Variants in ARHGAP17 observed in about 807,000 individuals in gnomAD.
ARHGAP17 encodes Rho GTPase activating protein 17, also known as rho GTPase-activating protein 17.
In ARHGAP17, 57 loss-of-function variants were observed where a neutral mutation model predicts 99.5. That is an observed-to-expected ratio of 0.57 (90% confidence interval 0.46 to 0.71). The LOEUF is 0.71. Among genes scored for constraint, ARHGAP17 ranks in the 30% least tolerant of loss-of-function variants. ARHGAP17 has a pLI of 0.00. For missense variants in ARHGAP17, 1,000 were observed against 1,122.4 expected, an observed-to-expected ratio of 0.89 and a Z score of 1.56; for synonymous variants, 417 against 429.6, an observed-to-expected ratio of 0.97 and a Z score of 0.36.
intron 9 of ARHGAP17, among the ~76,000 whole-genome samples, chr16:24,957,893 G>A (rs2141259277): frequency 6.6e-6 from 1 of 152,234 alleles, no homozygotes; most frequent in South Asian, 2.1e-4. Context: ...GGAGGTGAGG[G>A]GGCTGTGGGG....
chr16:24,942,055 C>T lies in ARHGAP17; in HGVS notation c.1422G>A (p.Ser474=), dbSNP rs758598234. The T allele has an allele frequency of 4.3e-5, 69 of 1,614,028 alleles. No individual in the cohort carries two copies. The highest frequency in any genetic ancestry group is 5.4e-5 in the Non-Finnish European group (64 of 1,180,014). Residue 474 remains serine, a synonymous_variant, in exon 16 of 20, where the codon TCG becomes TCA. Transcript: ENST00000289968. Reference sequence around the variant, plus strand: ...CAGGCCGCTTCCTCTCCAGGGTCCCCGAGTCAGAGTCGTTTCCAGTGTGGA... The same window carrying T: ...CAGGCCGCTTCCTCTCCAGGGTCCCTGAGTCAGAGTCGTTTCCAGTGTGGA... ...HSFHTGNDSD[S]GTLERKRPAS...
At chr16:24,973,847 C>T (rs1036117445) in intron 3 of ARHGAP17, among the ~76,000 whole-genome samples, 1 of 152,220 alleles carries the variant, frequency 6.6e-6, no homozygotes, top group African/African-American at 2.4e-5. Context: ...GAATATATGT[C>T]TTGGACTGCG....
rs576333082 is a variant in ARHGAP17, at chr16:24,993,994, C to A, written c.54-14989G>T. Among the ~76,000 whole-genome samples, 12 of 152,264 alleles carry A rather than the reference C, an allele frequency of 7.9e-5. 1 individual carries two copies. Among genetic ancestry groups the A allele is most frequent in the Admixed American group, 3.9e-4 (6 of 15,288 alleles). On this transcript the variant is annotated intron_variant, in intron 1 of 19. Coordinates refer to ENST00000289968, the MANE Select transcript of ARHGAP17 (RefSeq NM_001006634.3). ...AACTCCAAAAATGACAAATGTTGCA[C>A]GGTTTAAACAGGCATCTAGTGCTGA...
intron 16 of ARHGAP17, among the ~76,000 whole-genome samples, chr16:24,941,371 TACAA>T (rs1284883340): frequency 6.6e-6 from 1 of 152,172 alleles, no homozygotes; most frequent in Non-Finnish European, 1.5e-5. Context: ...AGGCACAAAT[TACAA>T]ACAGTCTTAA....
rs1415429812 is a variant in ARHGAP17, at chr16:24,970,534, G to A, written c.245C>T (p.Ser82Leu). 4 of 1,614,042 alleles carry A rather than the reference G, an allele frequency of 2.5e-6. No individual in the cohort carries two copies. The highest frequency in any genetic ancestry group is 1.7e-5 in the Admixed American group (1 of 60,010). ...CAGGAGAGAGTCTTCCAGCTGAGTC[G>A]ATGCTTCTTGCATATTTTGAGCAAG... ...TALAQNMQEA[S>L]TQLEDSLLGK... Residue 82 changes from serine to leucine, a missense_variant, in exon 4 of 20, where the codon TCG (serine) becomes TTG (leucine). Transcript: ENST00000289968.
chr16:24,937,577 C>T (rs1597373850), intron 17 of ARHGAP17, among the ~76,000 whole-genome samples: 1 of 152,332 alleles, frequency 6.6e-6, no homozygotes, highest in African/African-American at 2.4e-5. Context: ...AGCTAACGTG[C>T]AGCCTATGAG....
intron 1 of ARHGAP17, among the ~76,000 whole-genome samples, chr16:25,011,069 T>C (rs2053631653): frequency 6.6e-6 from 1 of 152,226 alleles, no homozygotes; most frequent in Non-Finnish European, 1.5e-5. Flanking sequence ...CATCCCAGTG[T>C]ACTCCTTCCT....
At chr16:24,937,565 C>T (rs1410565220) in intron 17 of ARHGAP17, among the ~76,000 whole-genome samples, 1 of 152,196 alleles carries the variant, frequency 6.6e-6, no homozygotes, top group East Asian at 1.9e-4. Flanking sequence ...CAATTATTGA[C>T]AAGCTAACGT....
intron 1 of ARHGAP17, among the ~76,000 whole-genome samples, chr16:24,990,660 C>A (rs530870627): frequency 8.6e-5 from 13 of 151,506 alleles, no homozygotes; most frequent in African/African-American, 2.9e-4. Flanking sequence ...ATGTCCCCCA[C>A]AAAAACACAA....
intron 6 of ARHGAP17, among the ~76,000 whole-genome samples, chr16:24,965,386 C>CCT (rs1453107452): frequency 1.4e-4 from 22 of 152,154 alleles, no homozygotes; most frequent in Non-Finnish European, 1.6e-4. Flanking sequence ...AGGAGAATGG[C>CCT]GTGAACCTGG....
rs1363467802 is a variant in ARHGAP17 at position 25,015,261 on chromosome 16, TGGCGGCGGTGGC to T, written c.-12_-1del. On this transcript the variant is annotated 5_prime_UTR_variant, in exon 1 of 20. Transcript: ENST00000289968. ...TTCATGCGGTTGAACTGCTTCTTCA[TGGCGGCGGTGGC>T]GGCGGCGGCCCGCGGGGCTCGGGCC... 2.2e-6 allele frequency: 3 copies of T among 1,339,336 alleles called. No individual in the cohort carries two copies. Among genetic ancestry groups the T allele is most frequent in the East Asian group, 3.2e-5 (1 of 31,126 alleles). 83.0% of individuals were successfully genotyped at this position (1,339,336 alleles called of 1,614,324 possible). A position where few individuals can be genotyped will look rare whatever the true frequency, so the allele number is the denominator to read the frequency against.
At position 24,933,362 on chromosome 16, in the gene ARHGAP17, G is replaced by C. The variant is rs531661472; in HGVS notation, c.1895-1958C>G. Reference sequence around the variant, plus strand: ...CCAGGCATGGTGGCATGTGCCTGTAGTACCAGCACTTTGAGAGGCCAAAGT... The same window carrying C: ...CCAGGCATGGTGGCATGTGCCTGTACTACCAGCACTTTGAGAGGCCAAAGT... On this transcript the variant is annotated intron_variant, in intron 18 of 19. Coordinates refer to ENST00000289968, the MANE Select transcript of ARHGAP17 (RefSeq NM_001006634.3). Among the ~76,000 whole-genome samples the C allele has an allele frequency of 9.2e-5, 14 of 152,170 alleles. No individual in the cohort carries two copies. The South Asian group carries it at 2.9e-3, about 32-fold the overall frequency.
At chr16:24,930,175 G>T (rs1190828920) in intron 19 of ARHGAP17, among the ~76,000 whole-genome samples, 1 of 152,158 alleles carries the variant, frequency 6.6e-6, no homozygotes, top group Non-Finnish European at 1.5e-5. Flanking sequence ...TTCCCACTGG[G>T]TCTACAGGAA....
chr16:24,984,229 G>A (rs2052786886), intron 1 of ARHGAP17, among the ~76,000 whole-genome samples: 1 of 152,090 alleles, frequency 6.6e-6, no homozygotes, highest in Admixed American at 6.5e-5. Context: ...TCAAGTCCCC[G>A]CGATCAATGC....
At chr16:24,920,617 C>T in intron 19 of ARHGAP17, 1 of 199,604 alleles carries the variant, frequency 5.0e-6, no homozygotes, top group Non-Finnish European at 1.0e-5. Flanking sequence ...CCCTGGGCTG[C>T]CCTGGGAAGA....
intron 1 of ARHGAP17, among the ~76,000 whole-genome samples, chr16:25,010,263 C>G (rs1280413468): frequency 6.6e-6 from 1 of 151,868 alleles, no homozygotes; most frequent in Non-Finnish European, 1.5e-5. Context: ...TTGTAAAGAC[C>G]GGGTTTCACC....
At chr16:25,006,452 A>T (rs1326135763) in intron 1 of ARHGAP17, among the ~76,000 whole-genome samples, 1 of 150,286 alleles carries the variant, frequency 6.7e-6, no homozygotes, top group Non-Finnish European at 1.5e-5. Context: ...TCCGTCTCAA[A>T]AAAAAAAAAA....
intron 19 of ARHGAP17, 45 bp from the exon 20 acceptor site, chr16:24,920,305 C>T (rs2152434954): frequency 6.2e-7 from 1 of 1,607,792 alleles, no homozygotes; most frequent in East Asian, 2.2e-5. Context: ...AGGGGTAACC[C>T]CCGAGAGGCC....
chr16:24,934,629 AT>A (rs966455904), intron 18 of ARHGAP17, among the ~76,000 whole-genome samples: 4 of 151,540 alleles, frequency 2.6e-5, no homozygotes, highest in Non-Finnish European at 5.9e-5. Context: ...AATTTTTAAA[AT>A]TTTTTTTGTA....
Sources: gnomAD v4.1 joint callset for allele counts (sites outside exome capture counted in the v4.1 genomes callset) on GRCh38, gnomAD v4.1.1 for gene constraint, MANE v1.5 for transcripts, NCBI Gene and HGNC (gene_info 2026-07-23, HGNC 2026-07-21) for gene names.